The following ANGEL1 variants were observed in gnomAD, a reference collection of about 807,000 sequenced individuals.
The protein encoded by ANGEL1 is RNA 2',3'-cyclic phosphatase ANGEL1.
A neutral mutation model predicts 76.4 loss-of-function variants in ANGEL1; 62 were observed. That is an observed-to-expected ratio of 0.81 (90% confidence interval 0.66 to 1.00). The LOEUF (loss-of-function observed/expected upper bound fraction) is 1.00. ANGEL1 is among the 50% of genes least tolerant of loss of function. ANGEL1 has a pLI of 0.00. For synonymous variants in ANGEL1, 340 were observed against 331.7 expected, an observed-to-expected ratio of 1.03 and a Z score of -0.27; for missense variants, 737 against 836.7, an observed-to-expected ratio of 0.88 and a Z score of 1.47.
chr14:76,808,172 T>A, intron 2 of ANGEL1, 24 bp from the exon 3 acceptor site: 2 of 1,601,150 alleles, frequency 1.2e-6, no homozygotes, highest in Non-Finnish European at 1.7e-6. Context: ...GGAGAAGCAC[T>A]CAATGGCAAG....
chr14:76,807,643 C>T lies in ANGEL1; in HGVS notation c.877-141G>A. The T allele has an allele frequency of 3.8e-6, 3 of 798,868 alleles. No homozygotes were observed. In the South Asian group the frequency reaches 4.9e-5, roughly 13 times the overall value. The allele number at this position is 798,868 out of a possible 1,614,324, so 49.5% of individuals were successfully genotyped here. Reference sequence around the variant, plus strand: ...GAGTCACCAACAGCAAGAACAGGCCCAGACTTAAGCTGAAGAGATTAGAGA... The same window carrying T: ...GAGTCACCAACAGCAAGAACAGGCCTAGACTTAAGCTGAAGAGATTAGAGA... On this transcript the variant is annotated intron_variant, in intron 3 of 9. Transcript: ENST00000251089.
rs750962702 is a variant in ANGEL1 at position 76,803,775 on chromosome 14, CAT to C, written c.1507+9_1507+10del. The C allele has an allele frequency of 6.3e-7, 1 of 1,594,032 alleles. No individual in the cohort carries two copies. ...AAGACACAGCCAACCAAGAATGTGA[CAT>C]GTGCTCACCTGATCTCTTGGGGTGA... is the stretch of plus-strand genomic sequence containing the variant. On this transcript the variant is annotated intron_variant, in intron 6 of 9. Coordinates refer to ENST00000251089, the MANE Select transcript of ANGEL1 (RefSeq NM_015305.4).
chr14:76,807,403 G>T, intron 4 of ANGEL1, 30 bp downstream of exon 4: 1 of 1,596,276 alleles, frequency 6.3e-7, no homozygotes, highest in Non-Finnish European at 8.6e-7. Context: ...GGAAAGAAAA[G>T]CTGGCAAGCA....
Position 76,788,925 on chromosome 14 carries a change from A to C in ANGEL1, c.*303T>G. 1 of 304,554 alleles carries C rather than the reference A, an allele frequency of 3.3e-6. No individual in the cohort carries two copies. The allele number at this position is 304,554 out of a possible 1,614,324, so 18.9% of individuals were successfully genotyped here. Reference sequence around the variant, plus strand: ...AATCAAGAACTCCCATAACCCTGGTAATTAAAAATCAAGGGGGAGCGCTGG... The same window carrying C: ...AATCAAGAACTCCCATAACCCTGGTCATTAAAAATCAAGGGGGAGCGCTGG... On this transcript the variant is annotated 3_prime_UTR_variant, in exon 10 of 10. Transcript: ENST00000251089.
intron 7 of ANGEL1, among the ~76,000 whole-genome samples, chr14:76,798,455 T>G (rs1415532547): frequency 6.6e-6 from 1 of 152,022 alleles, no homozygotes; most frequent in African/African-American, 2.4e-5. Context: ...TTCAACTTCC[T>G]GGCCTCCAGA....
At chr14:76,809,025 T>C in intron 2 of ANGEL1, 34 bp downstream of exon 2, 2 of 1,572,222 alleles carry the variant, frequency 1.3e-6, no homozygotes, top group Non-Finnish European at 1.7e-6. Context: ...GACACCCTGT[T>C]CCCTTGGCTC....
intron 3 of ANGEL1, among the ~76,000 whole-genome samples, 160 bp from the exon 4 acceptor site, chr14:76,807,662 T>A (rs1894959588): frequency 6.6e-6 from 1 of 152,086 alleles, no homozygotes; most frequent in South Asian, 2.1e-4. Flanking sequence ...GCTGAAGAGA[T>A]TAGAGATGTG....
At chr14:76,804,732 A>C (rs1355606564) in intron 5 of ANGEL1, among the ~76,000 whole-genome samples, 1 of 152,238 alleles carries the variant, frequency 6.6e-6, no homozygotes, top group African/African-American at 2.4e-5. Context: ...GGGATAGGCC[A>C]GGCGCAGTGG....
At chr14:76,793,419 GGA>G (rs1566695842) in intron 7 of ANGEL1, among the ~76,000 whole-genome samples, 35 of 61,166 alleles carry the variant, frequency 5.7e-4, no homozygotes, top group Non-Finnish European at 9.7e-4. Context: ...AAAGGAAAGA[GGA>G]GAGGGGAGGA....
chr14:76,798,281 C>T (rs561607846), intron 7 of ANGEL1, among the ~76,000 whole-genome samples: 3 of 152,210 alleles, frequency 2.0e-5, no homozygotes, highest in Middle Eastern at 3.4e-3. Flanking sequence ...CATGCCACCA[C>T]GCCCAGCTAA....
chr14:76,798,965 A>C (rs1257243427), intron 7 of ANGEL1, among the ~76,000 whole-genome samples: 1 of 150,850 alleles, frequency 6.6e-6, no homozygotes, highest in East Asian at 1.9e-4. Flanking sequence ...AAAAAAAAAA[A>C]CAAAGGGAGT....
rs1005171886 is a variant in ANGEL1, at chr14:76,786,036, A to G, written c.*3192T>C. On this transcript the variant is annotated 3_prime_UTR_variant, in exon 10 of 10. Transcript: ENST00000251089. Reference sequence around the variant, plus strand: ...GAAGTGATTATTAACTTTAATTTCTATTTCACCAAGGAATGTGAACTGAAA... The same window carrying G: ...GAAGTGATTATTAACTTTAATTTCTGTTTCACCAAGGAATGTGAACTGAAA... 2 of 152,198 alleles carry G rather than the reference A, an allele frequency of 1.3e-5. No individual in the cohort carries two copies. Among genetic ancestry groups the G allele is most frequent in the Admixed American group, 6.5e-5 (1 of 15,280 alleles). 9.4% of individuals were successfully genotyped at this position (152,198 alleles called of 1,614,324 possible). A position where few individuals can be genotyped will look rare whatever the true frequency, so the allele number is the denominator to read the frequency against.
intron 7 of ANGEL1, among the ~76,000 whole-genome samples, chr14:76,798,126 C>G (rs924391785): frequency 1.1e-5 from 1 of 87,530 alleles, no homozygotes; most frequent in African/African-American, 5.3e-5. Flanking sequence ...TTTGCCAGTG[C>G]CTTTGTTTTT....
At chr14:76,791,849 A>G (rs1463217954) in intron 7 of ANGEL1, among the ~76,000 whole-genome samples, 2 of 152,172 alleles carry the variant, frequency 1.3e-5, no homozygotes, top group Non-Finnish European at 2.9e-5. Context: ...CATATTACAT[A>G]TATGTATACA....
chr14:76,797,162 G>C (rs1257977572), intron 7 of ANGEL1, among the ~76,000 whole-genome samples: 1 of 152,192 alleles, frequency 6.6e-6, no homozygotes, highest in African/African-American at 2.4e-5. Context: ...AAGTTCCTCT[G>C]CAAGAACTTG....
intron 7 of ANGEL1, among the ~76,000 whole-genome samples, chr14:76,798,629 C>G (rs967399267): frequency 1.3e-5 from 2 of 151,908 alleles, no homozygotes; most frequent in East Asian, 1.9e-4. Context: ...AATTAAATAC[C>G]CTTTTTACAA....
intron 7 of ANGEL1, among the ~76,000 whole-genome samples, chr14:76,795,703 C>T (rs185923487): frequency 2.1e-4 from 32 of 152,322 alleles, no homozygotes; most frequent in Non-Finnish European, 3.8e-4. Flanking sequence ...TTTAGACAAT[C>T]TCCATGGGAA....
Position 76,805,667 on chromosome 14 carries a change from G to GA in ANGEL1, c.1380+748dup, listed in dbSNP as rs199818406. On this transcript the variant is annotated intron_variant, in intron 5 of 9. Coordinates refer to ENST00000251089, the MANE Select transcript of ANGEL1 (RefSeq NM_015305.4). ...GAGATCCATATGCAAATTGCTGAGTGAAAAAAAACAAGCTACAAATGAAAC... is the reference window on the plus strand; with the variant it reads ...GAGATCCATATGCAAATTGCTGAGTGAAAAAAAAACAAGCTACAAATGAAAC... Among the ~76,000 whole-genome samples, 522 of 151,802 alleles carry GA rather than the reference G, an allele frequency of 3.4e-3. 4 individuals are homozygous for GA. The highest frequency in any genetic ancestry group is 0.012 in the African/African-American group (496 of 41,390).
intron 5 of ANGEL1, chr14:76,804,121 T>C (rs1894846617): frequency 2.8e-6 from 4 of 1,447,222 alleles, no homozygotes; most frequent in East Asian, 5.0e-5. Flanking sequence ...GAAATGTCCA[T>C]GAAACAGGAG....
Sources: allele counts gnomAD v4.1 joint callset (sites outside exome capture counted in the v4.1 genomes callset), GRCh38; gene constraint gnomAD v4.1.1; transcripts MANE v1.5; gene names NCBI Gene and HGNC (gene_info 2026-07-23, HGNC 2026-07-21).